Variants in ETV6 observed in about 807,000 individuals in gnomAD.
The protein encoded by ETV6 is transcription factor ETV6.
A neutral mutation model predicts 51.1 loss-of-function variants in ETV6; 16 were observed. That is an observed-to-expected ratio of 0.31 (90% CI 0.21 to 0.48). The LOEUF (loss-of-function observed/expected upper bound fraction) is 0.48, where lower values mean the gene tolerates loss of function less well. Among genes scored for constraint, ETV6 ranks in the 20% least tolerant of loss-of-function variants. The probability of loss-of-function intolerance (pLI) is 0.99; values close to 1 mark genes in which losing one functional copy is unlikely to be tolerated. For synonymous variants in ETV6, 240 were observed against 224.1 expected (o/e 1.07, Z -0.64); for missense variants, 458 against 594.8 (o/e 0.77, Z 2.39).
chr12:11,872,092 T>C (rs1946888746), intron 5 of ETV6, among the ~76,000 whole-genome samples: 1 of 152,192 alleles, frequency 6.6e-6, no homozygotes, highest in Admixed American at 6.5e-5. Flanking sequence ...GCAGATACCT[T>C]TTGCTTGTTT....
At chr12:11,726,584 C>G (rs1865493454) in intron 1 of ETV6, among the ~76,000 whole-genome samples, 2 of 152,166 alleles carry the variant, frequency 1.3e-5, no homozygotes, top group Non-Finnish European at 1.5e-5. Flanking sequence ...TCAAGACCAG[C>G]CTGGACAACA....
At chr12:11,797,930 TATAAG>T (rs1232847551) in intron 2 of ETV6, among the ~76,000 whole-genome samples, 1 of 152,236 alleles carries the variant, frequency 6.6e-6, no homozygotes, top group Non-Finnish European at 1.5e-5. Flanking sequence ...ATGCTTATAA[TATAAG>T]ATAGTTTTGT....
At chr12:11,656,159 C>T (rs1435185099) in intron 1 of ETV6, among the ~76,000 whole-genome samples, 1 of 152,138 alleles carries the variant, frequency 6.6e-6, no homozygotes, top group Non-Finnish European at 1.5e-5. Context: ...ATTTACTCTT[C>T]ACAGCTCTCT....
intron 3 of ETV6, among the ~76,000 whole-genome samples, chr12:11,845,148 C>G (rs894453858): frequency 6.6e-6 from 1 of 152,152 alleles, no homozygotes; most frequent in Admixed American, 6.5e-5. Flanking sequence ...TTTCTTAGCT[C>G]TTTGCCTGTC....
intron 1 of ETV6, among the ~76,000 whole-genome samples, chr12:11,709,495 A>G (rs1865134667): frequency 1.3e-5 from 2 of 152,024 alleles, no homozygotes; most frequent in South Asian, 2.1e-4. Context: ...GTACCACTGC[A>G]CCTGGCTAGA....
intron 1 of ETV6, among the ~76,000 whole-genome samples, chr12:11,723,035 A>G (rs1865420508): frequency 6.6e-6 from 1 of 152,172 alleles, no homozygotes; most frequent in Non-Finnish European, 1.5e-5. Context: ...CTGAGCTCCG[A>G]AGTCAGACTA....
rs73288748 is a variant in ETV6 at position 11,709,253 on chromosome 12, C to T, written c.34-43197C>T. 9.4e-3 allele frequency among the ~76,000 whole-genome samples: 1,436 copies of T among 152,296 alleles called. 21 individuals are homozygous for T. Among genetic ancestry groups the T allele is most frequent in the African/African-American group, 0.032 (1,311 of 41,546 alleles). On this transcript the variant is annotated intron_variant, in intron 1 of 7. Coordinates refer to ENST00000396373, the MANE Select transcript of ETV6 (RefSeq NM_001987.5). Reference sequence around the variant, plus strand: ...CCTTCTTCCTCATTCTACCCCTGCCCTCTTATCCCAGTTAGCCACTGTCTT... The same window carrying T: ...CCTTCTTCCTCATTCTACCCCTGCCTTCTTATCCCAGTTAGCCACTGTCTT...
chr12:11,822,924 A>C (rs888691520), intron 2 of ETV6, among the ~76,000 whole-genome samples: 1 of 152,186 alleles, frequency 6.6e-6, no homozygotes, highest in Non-Finnish European at 1.5e-5. Context: ...CATTTCTTGC[A>C]AAGTTTCCAA....
chr12:11,845,880 T>C (rs1946453733), intron 3 of ETV6, among the ~76,000 whole-genome samples: 1 of 151,672 alleles, frequency 6.6e-6, no homozygotes, highest in South Asian at 2.1e-4. Flanking sequence ...TATTCCCAGC[T>C]ACTCAGGAGG....
At chr12:11,865,227 G>A (rs1946775087) in intron 4 of ETV6, among the ~76,000 whole-genome samples, 1 of 149,826 alleles carries the variant, frequency 6.7e-6, no homozygotes, top group Non-Finnish European at 1.5e-5. Context: ...CTCCAGCCTG[G>A]GTGAAAGAGC....
chr12:11,775,162 A>G (rs2136358101), intron 2 of ETV6, among the ~76,000 whole-genome samples: 1 of 152,316 alleles, frequency 6.6e-6, no homozygotes, highest in African/African-American at 2.4e-5. Flanking sequence ...ACTGTTAATA[A>G]TTGGGAGTAA....
intron 2 of ETV6, among the ~76,000 whole-genome samples, chr12:11,763,709 C>A (rs1271774481): frequency 6.6e-6 from 1 of 152,236 alleles, no homozygotes; most frequent in Non-Finnish European, 1.5e-5. Context: ...ACTACTGTGA[C>A]GATTCCTGCC....
chr12:11,690,983 G>A (rs1041481588), intron 1 of ETV6, among the ~76,000 whole-genome samples: 1 of 152,032 alleles, frequency 6.6e-6, no homozygotes, highest in Non-Finnish European at 1.5e-5. Flanking sequence ...CACATAAACT[G>A]AGTGGCTTAT....
At chr12:11,676,957 T>G (rs1864432120) in intron 1 of ETV6, among the ~76,000 whole-genome samples, 1 of 152,270 alleles carries the variant, frequency 6.6e-6, no homozygotes, top group Non-Finnish European at 1.5e-5. Flanking sequence ...TGCAATATTG[T>G]CAGACATCGC....
rs371751484 is a variant in ETV6, at chr12:11,892,636, CCT to C, written c.*1593_*1594del. The C allele has an allele frequency of 9.6e-4, 224 of 233,052 alleles. 1 individual carries two copies. Among genetic ancestry groups the C allele is most frequent in the African/African-American group, 4.7e-3 (212 of 45,404 alleles). 14.4% of individuals were successfully genotyped at this position (233,052 alleles called of 1,614,324 possible). Reference sequence around the variant, plus strand: ...TTACAAAGCACCCCCTCCTTGTTCCCCTCTGTTTCCTCTACTCAGTTGGGGGA... The same window carrying C: ...TTACAAAGCACCCCCTCCTTGTTCCCCTGTTTCCTCTACTCAGTTGGGGGA... On this transcript the variant is annotated 3_prime_UTR_variant, in exon 8 of 8. Coordinates refer to ENST00000396373, the MANE Select transcript of ETV6 (RefSeq NM_001987.5).
At chr12:11,849,268 G>A (rs750950734) in intron 3 of ETV6, among the ~76,000 whole-genome samples, 6 of 151,752 alleles carry the variant, frequency 4.0e-5, no homozygotes, top group East Asian at 1.9e-4. Context: ...GCATCACCAC[G>A]CCCAACTAAT....
chr12:11,786,754 C>A (rs1175204953), intron 2 of ETV6, among the ~76,000 whole-genome samples: 1 of 152,172 alleles, frequency 6.6e-6, no homozygotes, highest in Non-Finnish European at 1.5e-5. Flanking sequence ...TACATCCATG[C>A]CTTTTGCTGC....
At chr12:11,712,991 C>T (rs74060807) in intron 1 of ETV6, among the ~76,000 whole-genome samples, 3,516 of 152,216 alleles carry the variant, frequency 0.023, 140 homozygotes, top group African/African-American at 0.08. Flanking sequence ...TTCCTCCTAC[C>T]TCTGACACCT....
At chr12:11,710,158 G>T (rs1188565778) in intron 1 of ETV6, among the ~76,000 whole-genome samples, 2 of 152,068 alleles carry the variant, frequency 1.3e-5, no homozygotes, top group African/African-American at 4.8e-5. Flanking sequence ...TAAAAGCAAG[G>T]CCAGCTTTTT....
Sources: gnomAD v4.1 joint callset for allele counts (sites outside exome capture counted in the v4.1 genomes callset) on GRCh38, gnomAD v4.1.1 for gene constraint, MANE v1.5 for transcripts, NCBI Gene and HGNC (gene_info 2026-07-23, HGNC 2026-07-21) for gene names.